EYS: variants seen among roughly 807,000 people sequenced by gnomAD.
EYS encodes the protein EGF-like photoreceptor maintenance factor, also known as protein eyes shut homolog.
Under a neutral mutation model 282.1 loss-of-function variants are expected in EYS, and 250 were observed. The observed-to-expected ratio is 0.89, with a 90% CI of 0.80 to 0.98. EYS has a LOEUF of 0.98. Among genes scored for constraint, EYS ranks in the 50% least tolerant of loss-of-function variants. The probability of loss-of-function intolerance (pLI) is 0.00; values close to 1 mark genes in which losing one functional copy is unlikely to be tolerated. For missense variants in EYS, 4,016 were observed against 3,709.0 expected (o/e 1.08, Z -2.15); for synonymous variants, 1,355 against 1,282.9 (o/e 1.06, Z -1.20).
chr6:63,874,604 G>A (rs902032139), intron 35 of EYS, among the ~76,000 whole-genome samples: 1 of 152,104 alleles, frequency 6.6e-6, no homozygotes, highest in Non-Finnish European at 1.5e-5. Context: ...CCATTTTCCC[G>A]ATATTGATTC....
chr6:65,347,854 A>T (rs994876505), intron 9 of EYS, among the ~76,000 whole-genome samples: 1 of 151,480 alleles, frequency 6.6e-6, no homozygotes, highest in African/African-American at 2.4e-5. Flanking sequence ...TGTACCCATT[A>T]TCTATCCCCA....
Position 64,363,413 on chromosome 6 carries a change from T to C in EYS, c.6078+25277A>G, listed in dbSNP as rs9451415. On this transcript the variant is annotated intron_variant, in intron 29 of 42. Transcript: ENST00000503581. ...AGAGGCATGCTTGAGTGGCAGGGAC[T>C]TGGTGGTGACTTCATTAATGAATGT... 7.8e-3 allele frequency among the ~76,000 whole-genome samples: 1,193 copies of C among 152,016 alleles called. 16 individuals carry two copies. The highest frequency in any genetic ancestry group is 0.026 in the African/African-American group (1,089 of 41,520).
At chr6:64,363,687 G>A (rs1179625187) in intron 29 of EYS, among the ~76,000 whole-genome samples, 5 of 151,754 alleles carry the variant, frequency 3.3e-5, no homozygotes, top group African/African-American at 7.3e-5. Context: ...CAAAATCATC[G>A]TCAATCTACC....
chr6:64,726,320 A>G (rs992289446), intron 22 of EYS, among the ~76,000 whole-genome samples: 1 of 152,162 alleles, frequency 6.6e-6, no homozygotes, highest in Non-Finnish European at 1.5e-5. Context: ...TCTGGAGGGC[A>G]AAGAATATCT....
intron 2 of EYS, among the ~76,000 whole-genome samples, chr6:65,615,855 G>A (rs1479791817): frequency 6.6e-6 from 1 of 151,908 alleles, no homozygotes; most frequent in African/African-American, 2.4e-5. Flanking sequence ...AATGGCGTGA[G>A]GCCAGGAGGC....
At chr6:65,180,976 A>G (rs1352000310) in intron 12 of EYS, among the ~76,000 whole-genome samples, 1 of 152,158 alleles carries the variant, frequency 6.6e-6, no homozygotes, top group East Asian at 1.9e-4. Flanking sequence ...CTATTTAATA[A>G]ATGGTGCCGG....
At chr6:64,103,108 G>A (rs1051722376) in intron 31 of EYS, among the ~76,000 whole-genome samples, 3 of 152,114 alleles carry the variant, frequency 2.0e-5, no homozygotes, top group African/African-American at 7.2e-5. Flanking sequence ...AAGCCTGGAT[G>A]ATGATAGAAC....
intron 41 of EYS, among the ~76,000 whole-genome samples, chr6:63,747,908 C>T (rs1281866365): frequency 6.6e-6 from 1 of 151,948 alleles, no homozygotes; most frequent in African/African-American, 2.4e-5. Flanking sequence ...ATCCAATTTG[C>T]CAGTCTGTGT....
chr6:64,253,859 G>T (rs1313459143), intron 30 of EYS, among the ~76,000 whole-genome samples: 1 of 152,106 alleles, frequency 6.6e-6, no homozygotes, highest in Non-Finnish European at 1.5e-5. Context: ...TGATGTGATG[G>T]GTATAGGGCT....
At chr6:64,810,054 T>C (rs140386959) in intron 22 of EYS, among the ~76,000 whole-genome samples, 1 of 152,168 alleles carries the variant, frequency 6.6e-6, no homozygotes, top group African/African-American at 2.4e-5. Context: ...ATACAATATG[T>C]AAGCAATATT....
intron 35 of EYS, among the ~76,000 whole-genome samples, chr6:63,967,174 C>T (rs2149780558): frequency 6.6e-6 from 1 of 152,256 alleles, no homozygotes; most frequent in East Asian, 1.9e-4. Context: ...GGATGGGTTG[C>T]ATATACAGCA....
chr6:64,248,339 G>A (rs990229048), intron 30 of EYS, among the ~76,000 whole-genome samples: 9 of 152,048 alleles, frequency 5.9e-5, no homozygotes, highest in African/African-American at 1.7e-4. Context: ...GTTTATTTTC[G>A]AAACTACACT....
intron 41 of EYS, among the ~76,000 whole-genome samples, chr6:63,735,391 T>C (rs1308559722): frequency 6.6e-6 from 1 of 152,038 alleles, no homozygotes; most frequent in Non-Finnish European, 1.5e-5. Context: ...CTCTCATCTC[T>C]TTCACCCAGA....
At chr6:63,840,048 CTTT>C (rs530439771) in intron 36 of EYS, among the ~76,000 whole-genome samples, 2 of 124,514 alleles carry the variant, frequency 1.6e-5, no homozygotes, top group Admixed American at 8.1e-5. Context: ...TTGCCCATTT[CTTT>C]TTTTTTTTTT....
chr6:64,514,270 C>A (rs185674294), intron 26 of EYS, among the ~76,000 whole-genome samples: 15 of 151,768 alleles, frequency 9.9e-5, no homozygotes, highest in Admixed American at 2.6e-4. Context: ...GAGTGAATAT[C>A]AAGATGTCAG....
chr6:65,200,066 T>C (rs1483153809), intron 12 of EYS, among the ~76,000 whole-genome samples: 2 of 152,154 alleles, frequency 1.3e-5, no homozygotes, highest in East Asian at 3.9e-4. Flanking sequence ...CTCAAGACGA[T>C]AACAGTGAGA....
chr6:65,184,135 A>G (rs1165459029), intron 12 of EYS, among the ~76,000 whole-genome samples: 1 of 151,972 alleles, frequency 6.6e-6, no homozygotes, highest in African/African-American at 2.4e-5. Context: ...GTCGCATAAA[A>G]CATCGTGATG....
At chr6:64,885,601 T>C (rs1244914919) in intron 19 of EYS, among the ~76,000 whole-genome samples, 3 of 151,790 alleles carry the variant, frequency 2.0e-5, no homozygotes, top group African/African-American at 7.2e-5. Flanking sequence ...AACTGTTTTA[T>C]AGTTGAAATT....
chr6:64,656,222 G>A (rs1463436224), intron 22 of EYS, among the ~76,000 whole-genome samples: 3 of 152,084 alleles, frequency 2.0e-5, no homozygotes, highest in African/African-American at 7.2e-5. Context: ...TATGTTTTAC[G>A]ATGGTGTCTA....
Sources: gnomAD v4.1 joint callset for allele counts (sites outside exome capture counted in the v4.1 genomes callset) on GRCh38, gnomAD v4.1.1 for gene constraint, MANE v1.5 for transcripts, NCBI Gene and HGNC (gene_info 2026-07-23, HGNC 2026-07-21) for gene names.